The following CD14 variants were observed in gnomAD, a reference collection of about 807,000 sequenced individuals.
CD14 encodes the protein CD14 molecule.
Under a neutral mutation model 2.5 loss-of-function variants are expected in CD14, and 4 were observed. The observed-to-expected ratio is 1.63, with a 90% CI of 0.80 to 3.72. The LOEUF (loss-of-function observed/expected upper bound fraction) is 3.72. Ranked by LOEUF, CD14 falls within the 30% of genes most tolerant of loss-of-function variation. The pLI is 0.01. For synonymous variants in CD14, 236 were observed against 235.1 expected, an observed-to-expected ratio of 1.00 and a Z score of -0.04; for missense variants, 478 against 497.8, an observed-to-expected ratio of 0.96 and a Z score of 0.38.
At position 140,633,171 on chromosome 5, in the gene CD14, C is replaced by T. The variant is rs1318322529; in HGVS notation, c.-100G>A. The T allele has an allele frequency of 8.9e-6, 13 of 1,461,382 alleles. No individual in the cohort carries two copies. The highest frequency in any genetic ancestry group is 1.4e-5 in the African/African-American group (1 of 71,344). 90.5% of individuals were successfully genotyped at this position (1,461,382 alleles called of 1,614,324 possible). ...CACCCGCCGGCTTCCAGGCTTCACA[C>T]TTGTGAACTCTTCGGCTGCCTCTGA... On this transcript the variant is annotated 5_prime_UTR_variant, in exon 1 of 2. The change creates a new upstream start codon in the 5' untranslated region. Transcript: ENST00000302014.
chr5:140,632,353 C>T lies in CD14; in HGVS notation c.631G>A (p.Gly211Arg), dbSNP rs747538520. 6.2e-7 allele frequency: 1 copy of T among 1,614,146 alleles called. No individual in the cohort carries two copies. The highest frequency in any genetic ancestry group is 1.1e-5 in the South Asian group (1 of 91,092). ...TGGGGACAGAGAGCCGCCATCAGTC[C>T]GCGTTCGCCCAGTCCAGGATTGTCA... ...LSDNPGLGER[G>R]LMAALCPHKF... Residue 211 changes from glycine to arginine, a missense_variant, in exon 2 of 2, where the codon GGA (glycine) becomes AGA (arginine). Transcript: ENST00000302014. The surrounding 1 kb of genome is among the most constrained non-coding windows in gnomAD (Gnocchi z 6.2).
In CD14 at chr5:140,632,649, A is replaced by C; in HGVS notation, c.335T>G (p.Val112Gly). The change falls in exon 2 of 2, where the codon GTG becomes GGG. Residue 112 changes from valine (V) to glycine (G), a missense_variant. Coordinates refer to ENST00000302014, the MANE Select transcript of CD14 (RefSeq NM_000591.4). The surrounding 1 kb of genome is among the most constrained non-coding windows in gnomAD (Gnocchi z 6.2). ...PAQLLVGALR[V>G]LAYSRLKELT... The stretch of plus-strand genomic sequence containing the variant: ...TTCCTTGAGGCGGGAGTACGCTAGC[A>C]CACGCAGGGCGCCTACCAGTAGCTG... 2 of 1,613,706 alleles carry C rather than the reference A, an allele frequency of 1.2e-6. No homozygotes were observed. Among genetic ancestry groups the C allele is most frequent in the South Asian group, 2.2e-5 (2 of 91,072 alleles).
chr5:140,632,878 A>C lies in CD14; in HGVS notation c.106T>G (p.Cys36Gly). Residue 36 changes from cysteine to glycine, a missense_variant, in exon 2 of 2, where the codon TGC becomes GGC. Coordinates refer to ENST00000302014, the MANE Select transcript of CD14 (RefSeq NM_000591.4). The surrounding 1 kb of genome is among the most constrained non-coding windows in gnomAD (Gnocchi z 6.2). ...ELDDEDFRCV[C>G]NFSEPQPDWS... ...TCGGGCTGAGGTTCGGAGAAGTTGC[A>C]GACGCAGCGGAAATCTTCATCGTCC... The C allele has an allele frequency of 2.5e-6, 4 of 1,614,184 alleles. No individual in the cohort carries two copies. The highest frequency in any genetic ancestry group is 3.4e-6 in the Non-Finnish European group (4 of 1,180,034).
Position 140,633,115 on chromosome 5 carries a change from G to T in CD14, c.-44C>A. 6.2e-7 allele frequency: 1 copy of T among 1,613,330 alleles called. No homozygotes were observed. Among genetic ancestry groups the T allele is most frequent in the Non-Finnish European group, 8.5e-7 (1 of 1,179,706 alleles). On this transcript the variant is annotated 5_prime_UTR_variant, in exon 1 of 2. Transcript: ENST00000302014. ...ACCTCTGAGCTCCGGACAGGCTCTG[G>T]AAGTGCTTTAGCTTCTTTCCTACAC...
In CD14 at chr5:140,633,151, G is replaced by T; in HGVS notation, c.-80C>A. 1 of 1,583,280 alleles carries T rather than the reference G, an allele frequency of 6.3e-7. No homozygotes were observed. The highest frequency in any genetic ancestry group is 8.6e-7 in the Non-Finnish European group (1 of 1,159,646). On this transcript the variant is annotated 5_prime_UTR_variant, in exon 1 of 2. Coordinates refer to ENST00000302014, the MANE Select transcript of CD14 (RefSeq NM_000591.4). ...GCTTCTTTCCTACACAGCGGCACCC[G>T]CCGGCTTCCAGGCTTCACACTTGTG...
chr5:140,632,825 A>T lies in CD14; in HGVS notation c.159T>A (p.Ser53=). 1 of 1,614,014 alleles carries T rather than the reference A, an allele frequency of 6.2e-7. No individual in the cohort carries two copies. The highest frequency in any genetic ancestry group is 8.5e-7 in the Non-Finnish European group (1 of 1,180,024). ...CGGCATGGATCTCCACCTCTACTGC[A>T]GACACACACTGGAAGGCTTCGGACC... ...PDWSEAFQCV[S]AVEVEIHAGG... is the part of the protein sequence containing the mutation. The change falls in exon 2 of 2, where the codon TCT becomes TCA. Residue 53 remains serine, a synonymous_variant. Coordinates refer to ENST00000302014, the MANE Select transcript of CD14 (RefSeq NM_000591.4). This position sits in a 1 kb window ranked among gnomAD's most constrained non-coding sequence, Gnocchi z 6.2.
rs1265898952 is a variant in CD14 at position 140,632,902 on chromosome 5, C to T, written c.82G>A (p.Asp28Asn). ...SATTPEPCELDDEDFRCVCNF... is the reference protein window; with the variant it reads ...SATTPEPCELNDEDFRCVCNF... ...CAGACGCAGCGGAAATCTTCATCGT[C>T]CAGCTCACAAGGTTCTGGCGTGGTC... is the stretch of plus-strand genomic sequence containing the variant. The change falls in exon 2 of 2, where the codon GAC becomes AAC. Residue 28 changes from aspartate (D) to asparagine (N), a missense_variant. Coordinates refer to ENST00000302014, the MANE Select transcript of CD14 (RefSeq NM_000591.4). The surrounding 1 kb of genome is among the most constrained non-coding windows in gnomAD (Gnocchi z 6.2). The T allele has an allele frequency of 3.1e-6, 5 of 1,614,194 alleles. No individual in the cohort carries two copies. The Admixed American group carries it at 8.3e-5, about 27-fold the overall frequency.
At position 140,631,812 on chromosome 5, in the gene CD14, G is replaced by A. The variant is rs989781915; in HGVS notation, c.*44C>T. 1 of 1,507,956 alleles carries A rather than the reference G, an allele frequency of 6.6e-7. No individual in the cohort carries two copies. The highest frequency in any genetic ancestry group is 1.3e-5 in the South Asian group (1 of 75,354). The allele number at this position is 1,507,956 out of a possible 1,614,324, so 93.4% of individuals were successfully genotyped here. A position where few individuals can be genotyped will look rare whatever the true frequency, so the allele number is the denominator to read the frequency against. ...CTCAACGTCCTGACGGGACTCCCCT[G>A]AAGCCAAGGCAGTTTGAGTCCATTC... On this transcript the variant is annotated 3_prime_UTR_variant, in exon 2 of 2. Transcript: ENST00000302014.
Position 140,633,144 on chromosome 5 carries a change from G to T in CD14, c.-73C>A, listed in dbSNP as rs140493044. ...TGCTTTAGCTTCTTTCCTACACAGC[G>T]GCACCCGCCGGCTTCCAGGCTTCAC... On this transcript the variant is annotated 5_prime_UTR_variant, in exon 1 of 2. Coordinates refer to ENST00000302014, the MANE Select transcript of CD14 (RefSeq NM_000591.4). 6.3e-7 allele frequency: 1 copy of T among 1,586,338 alleles called. No individual in the cohort carries two copies. The highest frequency in any genetic ancestry group is 8.6e-7 in the Non-Finnish European group (1 of 1,162,884).
upstream of CD14, chr5:140,633,225 A>C: frequency 1.1e-6 from 1 of 919,440 alleles, no homozygotes; most frequent in Non-Finnish European, 1.7e-6. Flanking sequence ...GATGTCATTC[A>C]GTTCCCTCCT....
rs201545309 is a variant in CD14, at chr5:140,632,719, G to C, written c.265C>G (p.Leu89Val). ...PRQYADTVKA[L>V]RVRRLTVGAA... Reference sequence around the variant, plus strand: ...CCCACTGTGAGCCGCCGCACGCGGAGAGCCTTGACCGTGTCAGCATACTGC... The same window carrying C: ...CCCACTGTGAGCCGCCGCACGCGGACAGCCTTGACCGTGTCAGCATACTGC... The change falls in exon 2 of 2, where the codon CTC (leucine) becomes GTC (valine). Residue 89 changes from leucine to valine, a missense_variant. Physicochemically the swap from Leu to Val is conservative, Grantham distance 32. Transcript: ENST00000302014. The surrounding 1 kb of genome is among the most constrained non-coding windows in gnomAD (Gnocchi z 6.2). The C allele has an allele frequency of 6.2e-7, 1 of 1,613,686 alleles. No homozygotes were observed. The highest frequency in any genetic ancestry group is 1.3e-5 in the African/African-American group (1 of 75,064).
In CD14 at chr5:140,632,706, C is replaced by T; in HGVS notation, c.278G>A (p.Arg93Gln). 1.2e-6 allele frequency: 2 copies of T among 1,613,690 alleles called. No homozygotes were observed. The highest frequency in any genetic ancestry group is 1.7e-6 in the Non-Finnish European group (2 of 1,180,020). The change falls in exon 2 of 2, where the codon CGG (arginine) becomes CAG (glutamine). Residue 93 changes from arginine (R) to glutamine (Q), a missense_variant. Coordinates refer to ENST00000302014, the MANE Select transcript of CD14 (RefSeq NM_000591.4). This position sits in a 1 kb window ranked among gnomAD's most constrained non-coding sequence, Gnocchi z 6.2. Reference sequence around the variant, plus strand: ...AACCTGTGCGGCTCCCACTGTGAGCCGCCGCACGCGGAGAGCCTTGACCGT... The same window carrying T: ...AACCTGTGCGGCTCCCACTGTGAGCTGCCGCACGCGGAGAGCCTTGACCGT... Reference protein sequence around the residue: ...ADTVKALRVRRLTVGAAQVPA... With the variant: ...ADTVKALRVRQLTVGAAQVPA...
chr5:140,632,521 C>A lies in CD14; in HGVS notation c.463G>T (p.Ala155Ser), dbSNP rs966962165. ...TCGGCGAGCCAAGAACGCCCTGTCG[C>A]CCACGACACGTTGCGTAGGCGCAAG... Reference protein sequence around the residue: ...SSLRLRNVSWATGRSWLAELQ... With the variant: ...SSLRLRNVSWSTGRSWLAELQ... Residue 155 changes from alanine (A) to serine (S), a missense_variant, in exon 2 of 2, where the codon GCG (alanine) becomes TCG (serine). Transcript: ENST00000302014. The surrounding 1 kb of genome is among the most constrained non-coding windows in gnomAD (Gnocchi z 6.2). 1 of 1,614,194 alleles carries A rather than the reference C, an allele frequency of 6.2e-7. No homozygotes were observed. The highest frequency in any genetic ancestry group is 1.3e-5 in the African/African-American group (1 of 75,084).
In CD14 at chr5:140,632,325, T is replaced by C. The variant is rs1162286415; in HGVS notation, c.659A>G (p.Lys220Arg). ...RGLMAALCPH[K>R]FPAIQNLALR... ...CGCTAGATTCTGGATGGCCGGGAAC[T>C]TGTGGGGACAGAGAGCCGCCATCAG... The change falls in exon 2 of 2, where the codon AAG (lysine) becomes AGG (arginine). Residue 220 changes from lysine (K) to arginine (R), a missense_variant. Physicochemically the swap from Lys to Arg is conservative, Grantham distance 26. Transcript: ENST00000302014. This position sits in a 1 kb window ranked among gnomAD's most constrained non-coding sequence, Gnocchi z 6.2. 2.5e-6 allele frequency: 4 copies of C among 1,613,948 alleles called. No homozygotes were observed. The highest frequency in any genetic ancestry group is 3.4e-6 in the Non-Finnish European group (4 of 1,180,040).
At chr5:140,633,028 T>C in intron 1 of CD14, 41 bp downstream of exon 1, 1 of 1,614,008 alleles carries the variant, frequency 6.2e-7, no homozygotes, top group Non-Finnish European at 8.5e-7. Flanking sequence ...CCCCTGTGGC[T>C]CCCGAGTGGC....
At chr5:140,633,688 A>AT (rs142256657), upstream of CD14, 5,331 of 153,900 alleles carry the variant, frequency 0.035, 236 homozygotes, top group African/African-American at 0.11. Flanking sequence ...GTTGGCACCA[A>AT]GGGGGGTAGA....
chr5:140,632,119 C>A lies in CD14; in HGVS notation c.865G>T (p.Glu289Ter), dbSNP rs778015907. 1 of 1,614,208 alleles carries A rather than the reference C, an allele frequency of 6.2e-7. No individual in the cohort carries two copies. Among genetic ancestry groups the A allele is most frequent in the Non-Finnish European group, 8.5e-7 (1 of 1,180,038 alleles). The part of the protein sequence containing the change: ...NSLNLSFAGL[E>*]QVPKGLPAKL... ...GCTGGCAGTCCTTTAGGCACCTGTT[C>A]CAGCCCAGCGAACGACAGATTGAGG... The change falls in exon 2 of 2, where the codon GAA (glutamate) becomes TAA (stop). Residue 289 changes from glutamate (E) to a stop codon, truncating the protein, a stop_gained. Coordinates refer to ENST00000302014, the MANE Select transcript of CD14 (RefSeq NM_000591.4). LOFTEE classifies it low-confidence loss of function (END_TRUNC). The surrounding 1 kb of genome is among the most constrained non-coding windows in gnomAD (Gnocchi z 6.2).
At chr5:140,633,013 TC>T in intron 1 of CD14, 33 bp from the exon 2 acceptor site, 1 of 1,614,040 alleles carries the variant, frequency 6.2e-7, no homozygotes, top group East Asian at 2.2e-5. Flanking sequence ...GGAGGCCCCA[TC>T]CAACCCCTGT....
chr5:140,632,651 A>G lies in CD14; in HGVS notation c.333T>C (p.Arg111=). 2 of 1,613,698 alleles carry G rather than the reference A, an allele frequency of 1.2e-6. No homozygotes were observed. Among genetic ancestry groups the G allele is most frequent in the Middle Eastern group, 1.6e-4 (1 of 6,062 alleles). ...CCTTGAGGCGGGAGTACGCTAGCACACGCAGGGCGCCTACCAGTAGCTGAG... is the reference window on the plus strand; with the variant it reads ...CCTTGAGGCGGGAGTACGCTAGCACGCGCAGGGCGCCTACCAGTAGCTGAG... ...VPAQLLVGAL[R]VLAYSRLKEL... The change falls in exon 2 of 2, where the codon CGT becomes CGC. Residue 111 remains arginine (R), a synonymous_variant. Coordinates refer to ENST00000302014, the MANE Select transcript of CD14 (RefSeq NM_000591.4). The surrounding 1 kb of genome is among the most constrained non-coding windows in gnomAD (Gnocchi z 6.2).
Sources: allele counts gnomAD v4.1 joint callset, GRCh38; gene constraint gnomAD v4.1.1; non-coding constraint Gnocchi (gnomAD v3.1); transcripts MANE v1.5; gene names NCBI Gene and HGNC (gene_info 2026-07-23, HGNC 2026-07-21).